Variants in BMPR1A observed in about 807,000 individuals in gnomAD.
The protein encoded by BMPR1A is bone morphogenetic protein receptor type-1A.
BMPR1A carries 7 observed loss-of-function variants against 66.0 expected under a neutral mutation model. That is an observed-to-expected ratio of 0.11 (90% confidence interval 0.06 to 0.20). The LOEUF (loss-of-function observed/expected upper bound fraction) is 0.20. Ranked by LOEUF, BMPR1A falls within the 10% of genes least tolerant of loss-of-function variation. The pLI is 1.00. For synonymous variants in BMPR1A, 200 were observed against 229.7 expected (o/e 0.87, Z 1.17); for missense variants, 408 against 669.1 (o/e 0.61, Z 4.31).
intron 2 of BMPR1A, among the ~76,000 whole-genome samples, chr10:86,857,501 AC>A (rs1471535959): frequency 1.3e-5 from 2 of 152,180 alleles, no homozygotes; most frequent in African/African-American, 4.8e-5. Context: ...ATGACATGAA[AC>A]CCTAATTTAC....
chr10:86,780,311 A>G (rs535753759), intron 1 of BMPR1A, among the ~76,000 whole-genome samples: 10 of 152,252 alleles, frequency 6.6e-5, no homozygotes, highest in Non-Finnish European at 1.2e-4. Flanking sequence ...TTAGTTTAAT[A>G]TAATCCCATT....
intron 2 of BMPR1A, among the ~76,000 whole-genome samples, chr10:86,872,856 G>A (rs1842869341): frequency 6.6e-6 from 1 of 152,172 alleles, no homozygotes; most frequent in African/African-American, 2.4e-5. Context: ...CTGGGCTCAA[G>A]TGATCCTGTT....
chr10:86,828,008 C>T (rs182697733), intron 1 of BMPR1A, among the ~76,000 whole-genome samples: 4 of 152,168 alleles, frequency 2.6e-5, no homozygotes, highest in Non-Finnish European at 5.9e-5. Context: ...AAAAATTAGC[C>T]GAGCGTGGTG....
intron 1 of BMPR1A, among the ~76,000 whole-genome samples, chr10:86,763,008 G>T (rs1255423622): frequency 6.6e-6 from 1 of 152,108 alleles, no homozygotes; most frequent in Non-Finnish European, 1.5e-5. Context: ...CGATTCTCAT[G>T]CCTCAGCCTC....
At chr10:86,796,551 G>T (rs912820987) in intron 1 of BMPR1A, among the ~76,000 whole-genome samples, 1 of 150,554 alleles carries the variant, frequency 6.6e-6, no homozygotes, top group South Asian at 2.1e-4. Context: ...GAGAGTAGGT[G>T]CTGTATTTTC....
At chr10:86,778,110 C>A (rs1298029034) in intron 1 of BMPR1A, among the ~76,000 whole-genome samples, 1 of 151,832 alleles carries the variant, frequency 6.6e-6, no homozygotes, top group Non-Finnish European at 1.5e-5. Context: ...TGTTTTGATA[C>A]ATATAATGCA....
At chr10:86,827,755 A>T (rs1842214876) in intron 1 of BMPR1A, among the ~76,000 whole-genome samples, 1 of 152,194 alleles carries the variant, frequency 6.6e-6, no homozygotes, top group Non-Finnish European at 1.5e-5. Context: ...TTAAGTAGGC[A>T]TTTGAGATGT....
chr10:86,801,151 A>AT (rs996164435), intron 1 of BMPR1A, among the ~76,000 whole-genome samples: 8 of 152,072 alleles, frequency 5.3e-5, no homozygotes, highest in African/African-American at 1.9e-4. Flanking sequence ...GTTTTTATAT[A>AT]TTTTTTGAGA....
chr10:86,891,776 T>A (rs1000990793), intron 4 of BMPR1A, among the ~76,000 whole-genome samples: 1 of 152,246 alleles, frequency 6.6e-6, no homozygotes, highest in African/African-American at 2.4e-5. Context: ...CAAAGTTATT[T>A]TAAAGTATGT....
intron 2 of BMPR1A, among the ~76,000 whole-genome samples, chr10:86,853,826 G>A (rs948612043): frequency 1.3e-5 from 2 of 152,192 alleles, no homozygotes; most frequent in Non-Finnish European, 2.9e-5. Context: ...CAAGGCAAAT[G>A]GAGGCAGGGC....
chr10:86,861,247 C>CTCT (rs928066945), intron 2 of BMPR1A, among the ~76,000 whole-genome samples: 16 of 152,176 alleles, frequency 1.1e-4, no homozygotes, highest in Non-Finnish European at 1.5e-5. Flanking sequence ...AGGCGGGGAA[C>CTCT]TCTTCTAGGT....
At chr10:86,841,007 A>G (rs1224470941) in intron 2 of BMPR1A, among the ~76,000 whole-genome samples, 1 of 152,284 alleles carries the variant, frequency 6.6e-6, no homozygotes, top group East Asian at 1.9e-4. Flanking sequence ...AGCTTAAATT[A>G]TCTTAAGAGA....
At chr10:86,793,331 A>G (rs1404290026) in intron 1 of BMPR1A, among the ~76,000 whole-genome samples, 1 of 151,324 alleles carries the variant, frequency 6.6e-6, no homozygotes, top group African/African-American at 2.4e-5. Context: ...TGTACTGGAG[A>G]CAGGATTTCT....
chr10:86,755,793 TG>T (rs1847848148), upstream of BMPR1A: 1 of 152,056 alleles, frequency 6.6e-6, no homozygotes, highest in African/African-American at 2.4e-5. Flanking sequence ...CTTATGCCGC[TG>T]GAATTCGCGG....
At chr10:86,836,324 CCAG>C (rs1842346809) in intron 1 of BMPR1A, among the ~76,000 whole-genome samples, 6 of 152,100 alleles carry the variant, frequency 3.9e-5, no homozygotes, top group Non-Finnish European at 7.3e-5. Context: ...CACACAACTT[CCAG>C]TGTGTACAAT....
chr10:86,921,798 A>G, intron 11 of BMPR1A, 103 bp downstream of exon 11: 1 of 1,412,674 alleles, frequency 7.1e-7, no homozygotes, highest in African/African-American at 1.4e-5. Flanking sequence ...GTGGGCACAT[A>G]GTAGGTGTAT....
chr10:86,773,763 CTT>C (rs1384822536), intron 1 of BMPR1A, among the ~76,000 whole-genome samples: 1 of 151,664 alleles, frequency 6.6e-6, no homozygotes, highest in Non-Finnish European at 1.5e-5. Context: ...GCAAAAGAAA[CTT>C]TGAAAGAAAA....
intron 1 of BMPR1A, among the ~76,000 whole-genome samples, chr10:86,768,770 T>C (rs1243452632): frequency 6.6e-6 from 1 of 152,244 alleles, no homozygotes; most frequent in African/African-American, 2.4e-5. Flanking sequence ...CTGTGCCTTA[T>C]TACACTCTGC....
chr10:86,816,914 G>GATA (rs1047285419), intron 1 of BMPR1A, among the ~76,000 whole-genome samples: 2 of 152,138 alleles, frequency 1.3e-5, no homozygotes, highest in Non-Finnish European at 2.9e-5. Flanking sequence ...TTAAGGGAAA[G>GATA]ATAATAATAA....
Sources: allele counts gnomAD v4.1 joint callset (sites outside exome capture counted in the v4.1 genomes callset), GRCh38; gene constraint gnomAD v4.1.1; transcripts MANE v1.5; gene names NCBI Gene and HGNC (gene_info 2026-07-23, HGNC 2026-07-21).